The following RANBP9 variants were observed in gnomAD, a reference collection of about 807,000 sequenced individuals.
RANBP9 encodes ran-binding protein 9.
Under a neutral mutation model 84.3 loss-of-function variants are expected in RANBP9, and 15 were observed. The observed-to-expected ratio is 0.18, with a 90% CI of 0.12 to 0.27. The LOEUF (loss-of-function observed/expected upper bound fraction) is 0.27. RANBP9 is among the 10% of genes least tolerant of loss of function. The pLI is 1.00. For synonymous variants in RANBP9, 392 were observed against 349.6 expected (o/e 1.12, Z -1.35); for missense variants, 809 against 912.8 (o/e 0.89, Z 1.46).
intron 1 of RANBP9, among the ~76,000 whole-genome samples, chr6:13,697,634 T>C (rs929714429): frequency 3.9e-5 from 6 of 152,212 alleles, no homozygotes; most frequent in Admixed American, 6.5e-5. Context: ...TTTGCTAAAC[T>C]CACAATCACT....
At chr6:13,705,569 G>A (rs899444074) in intron 1 of RANBP9, among the ~76,000 whole-genome samples, 1 of 151,410 alleles carries the variant, frequency 6.6e-6, no homozygotes, top group African/African-American at 2.4e-5. Flanking sequence ...TCATTTTAAG[G>A]AACATTTTTA....
intron 1 of RANBP9, among the ~76,000 whole-genome samples, chr6:13,699,046 C>T (rs1435801723): frequency 2.0e-5 from 3 of 152,042 alleles, no homozygotes; most frequent in Non-Finnish European, 2.9e-5. Flanking sequence ...TCTCTTTCAA[C>T]ATTTACGAAA....
chr6:13,694,454 T>G (rs1766395958), intron 2 of RANBP9, among the ~76,000 whole-genome samples: 1 of 152,142 alleles, frequency 6.6e-6, no homozygotes, highest in Non-Finnish European at 1.5e-5. Flanking sequence ...ATGGACAAAC[T>G]ATAGAGACAG....
chr6:13,649,479 A>G (rs944391632), intron 5 of RANBP9, among the ~76,000 whole-genome samples: 8 of 151,644 alleles, frequency 5.3e-5, no homozygotes, highest in African/African-American at 1.9e-4. Context: ...AAAAAAAAAA[A>G]AAGTCACTAA....
At chr6:13,658,874 A>G (rs368953826) in intron 2 of RANBP9, 42 bp from the exon 3 acceptor site, 71 of 1,492,162 alleles carry the variant, frequency 4.8e-5, no homozygotes, top group Non-Finnish European at 6.5e-5. Context: ...GGACATTATT[A>G]CAGTCATATA....
intron 9 of RANBP9, among the ~76,000 whole-genome samples, chr6:13,638,861 G>A (rs559626814): frequency 4.5e-4 from 68 of 152,198 alleles, no homozygotes; most frequent in African/African-American, 1.5e-3. Context: ...GTTGGGGGTG[G>A]GGGGAGAGGA....
chr6:13,689,595 T>A (rs1275224658), intron 2 of RANBP9, among the ~76,000 whole-genome samples: 3 of 152,114 alleles, frequency 2.0e-5, no homozygotes, highest in African/African-American at 7.2e-5. Context: ...TTATAACTCT[T>A]CCTTATAATC....
intron 3 of RANBP9, 44 bp downstream of exon 3, chr6:13,658,736 A>T (rs118041417): frequency 0.045 from 64,803 of 1,426,320 alleles, 2,025 homozygotes; most frequent in South Asian, 0.12. Flanking sequence ...AACCAGAAAG[A>T]GCTACTCATA....
chr6:13,690,286 T>G (rs1766294148), intron 2 of RANBP9, among the ~76,000 whole-genome samples: 1 of 152,222 alleles, frequency 6.6e-6, no homozygotes, highest in South Asian at 2.1e-4. Context: ...TCATAGGTGT[T>G]CAACATATAT....
intron 11 of RANBP9, 124 bp from the exon 12 acceptor site, chr6:13,632,645 T>G (rs749173859): frequency 2.2e-6 from 2 of 923,302 alleles, no homozygotes; most frequent in East Asian, 5.1e-5. Context: ...CATCTAAATA[T>G]GCAGATTGTT....
intron 1 of RANBP9, among the ~76,000 whole-genome samples, chr6:13,708,411 T>C (rs1417320638): frequency 6.6e-6 from 1 of 152,046 alleles, no homozygotes; most frequent in Non-Finnish European, 1.5e-5. Flanking sequence ...GGCAACAAAG[T>C]TGAAATCCTA....
intron 2 of RANBP9, among the ~76,000 whole-genome samples, chr6:13,678,123 A>C (rs1765939284): frequency 1.3e-5 from 2 of 152,180 alleles, no homozygotes; most frequent in Admixed American, 1.3e-4. Context: ...ATCTCAAAAA[A>C]CAAACAAAAA....
chr6:13,626,678 A>C (rs1764614786), intron 12 of RANBP9, among the ~76,000 whole-genome samples: 1 of 152,248 alleles, frequency 6.6e-6, no homozygotes, highest in Non-Finnish European at 1.5e-5. Context: ...GAAGGCAGAC[A>C]TGGAGAGTTG....
intron 1 of RANBP9, among the ~76,000 whole-genome samples, chr6:13,709,614 T>C (rs1758222694): frequency 6.6e-6 from 1 of 152,232 alleles, no homozygotes; most frequent in Non-Finnish European, 1.5e-5. Flanking sequence ...AATGAAACGT[T>C]CAGACGTTTA....
chr6:13,693,717 G>GA (rs1201240257), intron 2 of RANBP9, among the ~76,000 whole-genome samples: 4 of 151,986 alleles, frequency 2.6e-5, no homozygotes, highest in Non-Finnish European at 5.9e-5. Flanking sequence ...TGGCTCAGGA[G>GA]AAAAAAATGT....
At position 13,634,561 on chromosome 6, in the gene RANBP9, G is replaced by A. The variant is rs748128110; in HGVS notation, c.1674-9C>T. 8.8e-6 allele frequency: 14 copies of A among 1,585,194 alleles called. No individual in the cohort carries two copies. In the East Asian group the frequency reaches 2.3e-4, roughly 26 times the overall value. ...CCATGTCTACATCATTACTGAAAAC[G>A]AAAAAACAAACCTAATTTTAGAAAT... On this transcript the variant is annotated splice_polypyrimidine_tract_variant and intron_variant, in intron 10 of 13. Transcript: ENST00000011619.
At chr6:13,670,725 G>A (rs989290471) in intron 2 of RANBP9, among the ~76,000 whole-genome samples, 17 of 151,592 alleles carry the variant, frequency 1.1e-4, no homozygotes, top group East Asian at 9.7e-4. Context: ...GTGTGAACCC[G>A]GGAGGTGGAG....
intron 12 of RANBP9, among the ~76,000 whole-genome samples, chr6:13,631,467 G>T (rs990292530): frequency 6.6e-6 from 1 of 152,152 alleles, no homozygotes; most frequent in Non-Finnish European, 1.5e-5. Flanking sequence ...ATATCCTTGT[G>T]TATCATGTCG....
At chr6:13,646,818 A>C (rs1396967190) in intron 5 of RANBP9, among the ~76,000 whole-genome samples, 1 of 152,234 alleles carries the variant, frequency 6.6e-6, no homozygotes, top group African/African-American at 2.4e-5. Context: ...TCAGGAGGAC[A>C]AAGACTACCA....
Sources: gnomAD v4.1 joint callset for allele counts (sites outside exome capture counted in the v4.1 genomes callset) on GRCh38, gnomAD v4.1.1 for gene constraint, MANE v1.5 for transcripts, NCBI Gene and HGNC (gene_info 2026-07-23, HGNC 2026-07-21) for gene names.